Variants in LONRF1 observed in about 807,000 individuals in gnomAD.
LONRF1 encodes the protein LON peptidase N-terminal domain and RING finger protein 1.
A neutral mutation model predicts 85.8 loss-of-function variants in LONRF1; 37 were observed. The observed-to-expected ratio is 0.43, with a 90% CI of 0.33 to 0.57. The LOEUF (loss-of-function observed/expected upper bound fraction) is 0.57. Among genes scored for constraint, LONRF1 ranks in the 20% least tolerant of loss-of-function variants. The pLI, the probability that LONRF1 is intolerant of heterozygous loss-of-function variation, is 0.04. For missense variants in LONRF1, 1,036 were observed against 978.0 expected, an observed-to-expected ratio of 1.06 and a Z score of -0.79; for synonymous variants, 517 against 390.1, an observed-to-expected ratio of 1.33 and a Z score of -3.83.
chr8:12,745,573 C>G (rs865797015), intron 1 of LONRF1, among the ~76,000 whole-genome samples: 1 of 152,220 alleles, frequency 6.6e-6, no homozygotes, highest in Admixed American at 6.5e-5. Context: ...TTACTGTATG[C>G]TCTCTACGTG....
chr8:12,739,387 T>C (rs1032720874), intron 3 of LONRF1, among the ~76,000 whole-genome samples: 4 of 151,084 alleles, frequency 2.6e-5, no homozygotes, highest in Non-Finnish European at 5.9e-5. Context: ...CAGTATATAT[T>C]GTATGATTCC....
Position 12,722,679 on chromosome 8 carries a change from C to T in LONRF1, c.*417G>A, listed in dbSNP as rs1487333231. On this transcript the variant is annotated 3_prime_UTR_variant, in exon 12 of 12. Coordinates refer to ENST00000398246, the MANE Select transcript of LONRF1 (RefSeq NM_152271.5). ...TTGTAAACTTGGGCAATAAATGACC[C>T]TCGGCAAGTTCTGCTCTCTATGGCT... 6.5e-6 allele frequency: 1 copy of T among 154,094 alleles called. No homozygotes were observed. Among genetic ancestry groups the T allele is most frequent in the Non-Finnish European group, 1.4e-5 (1 of 69,240 alleles). 9.5% of individuals were successfully genotyped at this position (154,094 alleles called of 1,614,324 possible). A position where few individuals can be genotyped will look rare whatever the true frequency, so the allele number is the denominator to read the frequency against.
intron 1 of LONRF1, among the ~76,000 whole-genome samples, chr8:12,748,826 A>G (rs1312660208): frequency 1.1e-5 from 1 of 90,194 alleles, no homozygotes; most frequent in Admixed American, 1.3e-4. Flanking sequence ...TTTTGCTTCT[A>G]TTGCTTCATT....
At position 12,729,292 on chromosome 8, in the gene LONRF1, AG is replaced by A; in HGVS notation, c.1728del (p.Tyr577ThrfsTer17). The A allele has an allele frequency of 6.2e-7, 1 of 1,613,964 alleles. No individual in the cohort carries two copies. ...KNVPIFVCTM[A>X]YPTVPCPLHV... The stretch of plus-strand genomic sequence containing the variant: ...TGGAGAGGGCAAGGCACAGTGGGGT[AG>A]GCCATAGTGCAAACAAATATTGGAA... On this transcript the variant is annotated frameshift_variant, in exon 9 of 12. Transcript: ENST00000398246. LOFTEE classifies it high-confidence loss of function.
intron 10 of LONRF1, among the ~76,000 whole-genome samples, chr8:12,726,164 T>C (rs766127603): frequency 6.6e-6 from 1 of 152,178 alleles, no homozygotes; most frequent in East Asian, 1.9e-4. Context: ...AAGAGTAAGA[T>C]TGAGAGTGAG....
At chr8:12,745,821 C>T (rs1799130860) in intron 1 of LONRF1, among the ~76,000 whole-genome samples, 2 of 152,204 alleles carry the variant, frequency 1.3e-5, no homozygotes, top group Admixed American at 1.3e-4. Context: ...GTACTTAACT[C>T]TGTGACCTTA....
In LONRF1 at chr8:12,742,159, C is replaced by G. The variant is rs540368357; in HGVS notation, c.840+1005G>C. 3.3e-5 allele frequency among the ~76,000 whole-genome samples: 5 copies of G among 152,314 alleles called. No homozygotes were observed. In the East Asian group the frequency reaches 9.6e-4, roughly 29 times the overall value. ...AAAGCCATGCACACTGACCACTGCC[C>G]TCTTATTCTGAATACATTTACTTTG... is the stretch of plus-strand genomic sequence containing the variant. On this transcript the variant is annotated intron_variant, in intron 2 of 11. Transcript: ENST00000398246.
intron 2 of LONRF1, 121 bp from the exon 3 acceptor site, chr8:12,741,117 C>G (rs1405490686): frequency 2.0e-6 from 2 of 1,016,290 alleles, no homozygotes; most frequent in Non-Finnish European, 2.9e-6. Context: ...GGTGCAGTAG[C>G]TCACGCCTGT....
chr8:12,738,735 A>G (rs954237323), intron 3 of LONRF1: 1 of 152,168 alleles, frequency 6.6e-6, no homozygotes, highest in African/African-American at 2.4e-5. Flanking sequence ...TGGAGAATCA[A>G]ATTTCTGGGT....
intron 7 of LONRF1, among the ~76,000 whole-genome samples, chr8:12,735,020 T>A (rs142766543): frequency 2.5e-3 from 377 of 152,096 alleles, no homozygotes; most frequent in African/African-American, 8.8e-3. Flanking sequence ...CCTGACCAGA[T>A]AACTAACCAT....
chr8:12,727,607 G>A (rs1798369109), intron 10 of LONRF1, among the ~76,000 whole-genome samples: 1 of 152,090 alleles, frequency 6.6e-6, no homozygotes, highest in Admixed American at 6.6e-5. Context: ...ATATAGTCAT[G>A]TAATTTAGCC....
Position 12,729,174 on chromosome 8 carries a change from C to G in LONRF1, c.1847G>C (p.Ser616Thr). The change falls in exon 9 of 12, where the codon AGT becomes ACT. Residue 616 changes from serine to threonine, a missense_variant and splice_region_variant. By Grantham distance (58) the Ser-to-Thr change is moderately conservative. Coordinates refer to ENST00000398246, the MANE Select transcript of LONRF1 (RefSeq NM_152271.5). ...FGMCVSDTQN[S>T]FADYGCMLQI... ...ATATTTAGGTTCACAAAAAGCATAC[C>G]TATTTTGTGTATCACTGACACACAT... The G allele has an allele frequency of 1.2e-6, 2 of 1,613,638 alleles. No homozygotes were observed. The highest frequency in any genetic ancestry group is 1.7e-6 in the Non-Finnish European group (2 of 1,179,714).
chr8:12,750,799 C>T (rs751539350), intron 1 of LONRF1, among the ~76,000 whole-genome samples: 2 of 152,190 alleles, frequency 1.3e-5, no homozygotes, highest in Non-Finnish European at 2.9e-5. Flanking sequence ...AATTGTTACT[C>T]TCTACCAAGT....
At chr8:12,725,982 T>TTG (rs1585219176) in intron 10 of LONRF1, 103 bp from the exon 11 acceptor site, 2 of 1,037,026 alleles carry the variant, frequency 1.9e-6, no homozygotes, top group Non-Finnish European at 2.8e-6. Context: ...AACAGGGCAA[T>TTG]ACCTGTTTCA....
Position 12,754,866 on chromosome 8 carries a change from G to A in LONRF1, c.555C>T (p.Ala185=). 1 of 1,493,168 alleles carries A rather than the reference G, an allele frequency of 6.7e-7. No individual in the cohort carries two copies. Among genetic ancestry groups the A allele is most frequent in the Non-Finnish European group, 8.9e-7 (1 of 1,126,116 alleles). The allele number at this position is 1,493,168 out of a possible 1,614,324, so 92.5% of individuals were successfully genotyped here. A position where few individuals can be genotyped will look rare whatever the true frequency, so the allele number is the denominator to read the frequency against. ...TGGTTCTGAAGTCTGAAGCGGCGAT[G>A]GCGGCGGCCAGAGGCGGCGGCCGCG... ...TAPRPPPLAA[A]IAASDFRTSV... Residue 185 remains alanine (A), a synonymous_variant, in exon 1 of 12, where the codon GCC becomes GCT. Coordinates refer to ENST00000398246, the MANE Select transcript of LONRF1 (RefSeq NM_152271.5).
At chr8:12,746,932 A>G (rs192842200) in intron 1 of LONRF1, among the ~76,000 whole-genome samples, 5 of 152,322 alleles carry the variant, frequency 3.3e-5, no homozygotes, top group African/African-American at 9.6e-5. Context: ...GGCTTGGTAC[A>G]TTGAAAGCAT....
chr8:12,737,209 A>C (rs1449457579), intron 4 of LONRF1, 69 bp from the exon 5 acceptor site: 70 of 1,558,376 alleles, frequency 4.5e-5, no homozygotes, highest in Non-Finnish European at 6.0e-5. Flanking sequence ...ACCAAGAATC[A>C]AACTGAAATG....
chr8:12,740,745 A>G, intron 3 of LONRF1, 129 bp downstream of exon 3: 1 of 1,179,744 alleles, frequency 8.5e-7, no homozygotes, highest in Non-Finnish European at 1.2e-6. Context: ...CACTCAAATT[A>G]TCACATTTGT....
intron 1 of LONRF1, among the ~76,000 whole-genome samples, chr8:12,750,463 CTGA>C (rs1452703831): frequency 6.6e-6 from 1 of 152,100 alleles, no homozygotes; most frequent in Admixed American, 6.5e-5. Flanking sequence ...GCAACAATAA[CTGA>C]TGATAAAATA....
Sources: gnomAD v4.1 joint callset for allele counts (sites outside exome capture counted in the v4.1 genomes callset) on GRCh38, gnomAD v4.1.1 for gene constraint, MANE v1.5 for transcripts, NCBI Gene and HGNC (gene_info 2026-07-23, HGNC 2026-07-21) for gene names.